Variants in LSM4 observed in about 807,000 individuals in gnomAD.
The protein encoded by LSM4 is U6 snRNA-associated Sm-like protein LSm4.
A neutral mutation model predicts 22.3 loss-of-function variants in LSM4; 15 were observed. The ratio of observed to expected loss-of-function variants is 0.67; its 90% CI spans 0.45 to 1.03. LSM4 has a LOEUF of 1.03. Among genes scored for constraint, LSM4 ranks in the 50% least tolerant of loss-of-function variants. The pLI, the probability that LSM4 is intolerant of heterozygous loss-of-function variation, is 0.00. For synonymous variants in LSM4, 90 were observed against 79.8 expected (o/e 1.13, Z -0.68); for missense variants, 127 against 198.0 (o/e 0.64, Z 2.15).
intron 3 of LSM4, 154 bp from the exon 4 acceptor site, chr19:18,310,015 TCCAC>T (rs1970281392): frequency 1.4e-6 from 1 of 692,276 alleles, no homozygotes; most frequent in Admixed American, 3.0e-5. Context: ...TGGCAAAGGG[TCCAC>T]CCTGCAGGCA....
At chr19:18,321,598 A>G (rs1970424840) in intron 1 of LSM4, among the ~76,000 whole-genome samples, 1 of 152,226 alleles carries the variant, frequency 6.6e-6, no homozygotes, top group Non-Finnish European at 1.5e-5. Flanking sequence ...AGGACTAACA[A>G]ATAAGCTACA....
chr19:18,317,260 GAT>G (rs933025855), intron 1 of LSM4, among the ~76,000 whole-genome samples: 1 of 151,526 alleles, frequency 6.6e-6, no homozygotes, highest in African/African-American at 2.4e-5. Flanking sequence ...GACCTCAAAT[GAT>G]CTGCTTGCCT....
At chr19:18,315,925 G>C in intron 2 of LSM4, 99 bp downstream of exon 2, 1 of 1,068,642 alleles carries the variant, frequency 9.4e-7, no homozygotes, top group Non-Finnish European at 1.4e-6. Flanking sequence ...CTGCCATGCT[G>C]GTGGACAGGC....
chr19:18,317,330 GTTTTCT>G (rs1336796284), intron 1 of LSM4, among the ~76,000 whole-genome samples: 2 of 117,858 alleles, frequency 1.7e-5, no homozygotes, highest in Non-Finnish European at 3.7e-5. Context: ...CCTGAACTGG[GTTTTCT>G]TTTTTTTTTT....
At chr19:18,312,351 G>C (rs1041437042) in intron 3 of LSM4, 3 of 460,136 alleles carry the variant, frequency 6.5e-6, no homozygotes, top group East Asian at 8.5e-5. Context: ...CCCAGTCCTA[G>C]GTCCTTCCAG....
At chr19:18,319,323 G>C (rs1263423223) in intron 1 of LSM4, among the ~76,000 whole-genome samples, 1 of 151,782 alleles carries the variant, frequency 6.6e-6, no homozygotes, top group Non-Finnish European at 1.5e-5. Flanking sequence ...CAGCACTTTG[G>C]GAGGCCAAGG....
Position 18,316,256 on chromosome 19 carries a change from G to T in LSM4, c.4-191C>A, listed in dbSNP as rs1456055990. The T allele has an allele frequency of 8.1e-6, 4 of 491,414 alleles. No individual in the cohort carries two copies. In the East Asian group the frequency reaches 1.4e-4, roughly 17 times the overall value. 30.4% of individuals were successfully genotyped at this position (491,414 alleles called of 1,614,324 possible). On this transcript the variant is annotated intron_variant, in intron 1 of 4. Transcript: ENST00000593829. ...CCCTGGAACACACACCTGCCTCTCA[G>T]ATTAGGAAGAAAAGCCTCACACACC...
chr19:18,320,874 A>C (rs547524860), intron 1 of LSM4, among the ~76,000 whole-genome samples: 29 of 152,328 alleles, frequency 1.9e-4, no homozygotes, highest in African/African-American at 6.7e-4. Flanking sequence ...GGTTTATGGA[A>C]GGTCACAAGA....
At chr19:18,317,698 G>T (rs1014431192) in intron 1 of LSM4, among the ~76,000 whole-genome samples, 4 of 151,724 alleles carry the variant, frequency 2.6e-5, no homozygotes, top group East Asian at 1.9e-4. Flanking sequence ...GAACTTTCAA[G>T]ATTTTTTTTT....
At chr19:18,312,752 C>T (rs779769427) in intron 2 of LSM4, 50 bp from the exon 3 acceptor site, 1 of 1,399,642 alleles carries the variant, frequency 7.1e-7, no homozygotes, top group Non-Finnish European at 1.0e-6. Context: ...AGCCCTGCGC[C>T]ATGGGCCCCT....
Position 18,323,007 on chromosome 19 carries a change from C to A in LSM4, c.3+11G>T. On this transcript the variant is annotated intron_variant, in intron 1 of 4. Transcript: ENST00000593829. ...CCTCCCGGTGAGACCCCGCAGTTGC[C>A]CTGCCCTCACCATGGTGCCGGCGGG... The A allele has an allele frequency of 1.3e-6, 2 of 1,584,380 alleles. No homozygotes were observed. Among genetic ancestry groups the A allele is most frequent in the African/African-American group, 1.4e-5 (1 of 72,366 alleles).
At chr19:18,312,834 A>C in intron 2 of LSM4, 132 bp from the exon 3 acceptor site, 18 of 659,220 alleles carry the variant, frequency 2.7e-5, no homozygotes, top group East Asian at 8.5e-5. Flanking sequence ...AGACCCCTAA[A>C]TGGCCTTCCT....
chr19:18,315,908 G>A (rs1324109039), intron 2 of LSM4, 116 bp downstream of exon 2: 1 of 883,310 alleles, frequency 1.1e-6, no homozygotes, highest in Non-Finnish European at 1.8e-6. Flanking sequence ...AGGGAGAAGA[G>A]AGCAAACTGC....
chr19:18,322,476 CTA>C lies in LSM4; in HGVS notation c.3+540_3+541del, dbSNP rs542763591. Reference sequence around the variant, plus strand: ...CGCCCCCTTCCGCTGGAATGACATGCTATGTGACCCAAGGAGAAACACCACAC... The same window carrying C: ...CGCCCCCTTCCGCTGGAATGACATGCTGTGACCCAAGGAGAAACACCACAC... On this transcript the variant is annotated intron_variant, in intron 1 of 4. Transcript: ENST00000593829. Among the ~76,000 whole-genome samples the C allele has an allele frequency of 3.9e-4, 59 of 152,254 alleles. 2 individuals are homozygous for C. Among genetic ancestry groups the C allele is most frequent in the African/African-American group, 1.4e-3 (57 of 41,554 alleles).
intron 1 of LSM4, among the ~76,000 whole-genome samples, chr19:18,322,727 CTTT>C (rs1284642837): frequency 2.7e-5 from 4 of 146,710 alleles, no homozygotes; most frequent in African/African-American, 7.5e-5. Flanking sequence ...GGATCCCCAC[CTTT>C]TTTTTTTTTA....
intron 3 of LSM4, among the ~76,000 whole-genome samples, chr19:18,311,893 C>T (rs1265171456): frequency 6.6e-6 from 1 of 152,176 alleles, no homozygotes; most frequent in Non-Finnish European, 1.5e-5. Flanking sequence ...GCAGGCACTC[C>T]AAGCTCCCCA....
chr19:18,308,527 G>A (rs1355097619), intron 4 of LSM4, among the ~76,000 whole-genome samples: 6 of 152,256 alleles, frequency 3.9e-5, no homozygotes, highest in African/African-American at 9.6e-5. Flanking sequence ...CATGTGCTGG[G>A]TGCCAGGGGC....
intron 4 of LSM4, among the ~76,000 whole-genome samples, chr19:18,308,612 G>A (rs1970259791): frequency 6.6e-6 from 1 of 152,226 alleles, no homozygotes; most frequent in East Asian, 1.9e-4. Context: ...GTGGGCCAGG[G>A]AGGTCTGGGG....
At chr19:18,322,709 C>T (rs1568301069) in intron 1 of LSM4, among the ~76,000 whole-genome samples, 1 of 152,102 alleles carries the variant, frequency 6.6e-6, no homozygotes, top group Non-Finnish European at 1.5e-5. Flanking sequence ...CTCTCTGCTG[C>T]ATTTGGCGGA....
Sources: gnomAD v4.1 joint callset for allele counts (sites outside exome capture counted in the v4.1 genomes callset) on GRCh38, gnomAD v4.1.1 for gene constraint, MANE v1.5 for transcripts, NCBI Gene and HGNC (gene_info 2026-07-23, HGNC 2026-07-21) for gene names.